Variants in FADS1 observed in about 807,000 individuals in gnomAD.
FADS1 encodes the protein fatty acid desaturase 1.
In FADS1, 17 loss-of-function variants were observed where a neutral mutation model predicts 61.6. The observed-to-expected ratio is 0.28, with a 90% confidence interval of 0.19 to 0.41. The LOEUF (loss-of-function observed/expected upper bound fraction) is 0.41, where lower values mean the gene tolerates loss of function less well. Ranked by LOEUF, FADS1 falls within the 10% of genes least tolerant of loss-of-function variation. The pLI, the probability that FADS1 is intolerant of heterozygous loss-of-function variation, is 1.00. For missense variants in FADS1, 387 were observed against 650.9 expected (o/e 0.59, Z 4.41); for synonymous variants, 238 against 258.7 (o/e 0.92, Z 0.77).
At chr11:61,806,578 C>T in intron 6 of FADS1, 86 bp downstream of exon 6, 1 of 1,244,390 alleles carries the variant, frequency 8.0e-7, no homozygotes, top group Non-Finnish European at 1.2e-6. Flanking sequence ...CTTAAAATAC[C>T]ATAATCCCTT....
At position 61,799,701 on chromosome 11, in the gene FADS1, CTGA is replaced by C. The variant is rs1200002943; in HGVS notation, c.*2707_*2709del. ...AAAATTGGCACACACAAAAAGAATA[CTGA>C]TATTGGGCCTGATTTAAAAAATGCC... On this transcript the variant is annotated 3_prime_UTR_variant, in exon 12 of 12. Transcript: ENST00000350997. 2 of 152,294 alleles carry C rather than the reference CTGA, an allele frequency of 1.3e-5. No individual in the cohort carries two copies. The highest frequency in any genetic ancestry group is 2.9e-5 in the Non-Finnish European group (2 of 68,028). The allele number at this position is 152,294 out of a possible 1,614,324, so 9.4% of individuals were successfully genotyped here. A position where few individuals can be genotyped will look rare whatever the true frequency, so the allele number is the denominator to read the frequency against.
chr11:61,804,632 C>A, intron 7 of FADS1, 53 bp downstream of exon 7: 3 of 1,498,498 alleles, frequency 2.0e-6, no homozygotes, highest in South Asian at 1.1e-5. Flanking sequence ...CCCTATCCCC[C>A]ACTCTGGGTG....
chr11:61,812,345 C>T (rs1258878885), intron 3 of FADS1, 126 bp downstream of exon 3: 1 of 776,480 alleles, frequency 1.3e-6, no homozygotes, highest in East Asian at 2.7e-5. Flanking sequence ...CCTGCACTCA[C>T]TCCTGCATAC....
chr11:61,816,534 C>G lies in FADS1; in HGVS notation c.375+21G>C, dbSNP rs1213604855. 2 of 1,597,270 alleles carry G rather than the reference C, an allele frequency of 1.3e-6. No individual in the cohort carries two copies. Among genetic ancestry groups the G allele is most frequent in the Non-Finnish European group, 1.7e-6 (2 of 1,173,464 alleles). ...GCCTCCGGTCCCGCCCTCTCCTGTG[C>G]CCCCGCCTGGCTGCGCTCACCGTGG... On this transcript the variant is annotated intron_variant, in intron 1 of 11. Coordinates refer to ENST00000350997, the MANE Select transcript of FADS1 (RefSeq NM_013402.7). This position sits in a 1 kb window ranked among gnomAD's most constrained non-coding sequence, Gnocchi z 7.0.
Position 61,812,579 on chromosome 11 carries a change from G to A in FADS1, c.576C>T (p.Tyr192=). 1 of 1,614,154 alleles carries A rather than the reference G, an allele frequency of 6.2e-7. No homozygotes were observed. Among genetic ancestry groups the A allele is most frequent in the Non-Finnish European group, 8.5e-7 (1 of 1,180,030 alleles). The change falls in exon 3 of 12, where the codon TAC becomes TAT. Residue 192 remains tyrosine, a synonymous_variant. Transcript: ENST00000350997. The part of the protein sequence containing the change: ...MKANHVFFLL[Y]LLHILLLDGA... ...CATCCAGCAGCAAGATGTGCAGCAG[G>A]TACAGCAGGAAGAAGACATGGTTGG...
At chr11:61,806,769 CCT>C in intron 5 of FADS1, 45 bp from the exon 6 acceptor site, 1 of 1,568,342 alleles carries the variant, frequency 6.4e-7, no homozygotes. Context: ...ACCAGTGATT[CCT>C]CCCTCTGTGA....
intron 1 of FADS1, among the ~76,000 whole-genome samples, chr11:61,813,966 CAAAAAAAA>C (rs35779607): frequency 2.5e-5 from 2 of 80,696 alleles, no homozygotes; most frequent in African/African-American, 1.5e-4. Context: ...GACTCCGTCT[CAAAAAAAA>C]AAAAAAAAAA....
chr11:61,803,555 A>G lies in FADS1; in HGVS notation c.1152-96T>C. 1 of 1,379,012 alleles carries G rather than the reference A, an allele frequency of 7.3e-7. No homozygotes were observed. The highest frequency in any genetic ancestry group is 1.2e-5 in the South Asian group (1 of 86,284). 85.4% of individuals were successfully genotyped at this position (1,379,012 alleles called of 1,614,324 possible). A position where few individuals can be genotyped will look rare whatever the true frequency, so the allele number is the denominator to read the frequency against. ...CTGCTCCAGCCTGTCTACTTTCCCA[A>G]GCCAACTCCTGAAACACCCACTGTT... On this transcript the variant is annotated intron_variant, in intron 8 of 11. Coordinates refer to ENST00000350997, the MANE Select transcript of FADS1 (RefSeq NM_013402.7). This position sits in a 1 kb window ranked among gnomAD's most constrained non-coding sequence, Gnocchi z 4.3.
At chr11:61,807,610 G>A (rs1349151584) in intron 5 of FADS1, among the ~76,000 whole-genome samples, 5 of 152,224 alleles carry the variant, frequency 3.3e-5, no homozygotes, top group Non-Finnish European at 5.9e-5. Context: ...AGTAGGTGGT[G>A]GTTATTTTTT....
Position 61,803,328 on chromosome 11 carries a change from G to A in FADS1, c.1248+35C>T. On this transcript the variant is annotated intron_variant, in intron 9 of 11. Transcript: ENST00000350997. This position sits in a 1 kb window ranked among gnomAD's most constrained non-coding sequence, Gnocchi z 4.3. Reference sequence around the variant, plus strand: ...CCTACGCATCCTTTTCAATAGTTGTGTTATGCTCCAGTCTTCTGAGTGACT... The same window carrying A: ...CCTACGCATCCTTTTCAATAGTTGTATTATGCTCCAGTCTTCTGAGTGACT... 1 of 1,537,474 alleles carries A rather than the reference G, an allele frequency of 6.5e-7. No homozygotes were observed. The highest frequency in any genetic ancestry group is 9.0e-7 in the Non-Finnish European group (1 of 1,110,138).
At position 61,810,985 on chromosome 11, in the gene FADS1, C is replaced by T; in HGVS notation, c.775G>A (p.Gly259Ser). The change falls in exon 4 of 12, where the codon GGC (glycine) becomes AGC (serine). Residue 259 changes from glycine (G) to serine (S), a missense_variant. By Grantham distance (56) the Gly-to-Ser change is moderately conservative (BLOSUM62 0). This residue lies in a region of FADS1 where 257 missense variants were observed against 533.3 expected (regional missense o/e 0.48). Transcript: ENST00000350997. ...WNHLLHHFVIGHLKGAPASWW... is the reference protein window; with the variant it reads ...WNHLLHHFVISHLKGAPASWW... Reference sequence around the variant, plus strand: ...CCCATCCCACTGACCTTCAGGTGGCCAATCACAAAATGATGTAGCAGATGG... The same window carrying T: ...CCCATCCCACTGACCTTCAGGTGGCTAATCACAAAATGATGTAGCAGATGG... 1 of 1,614,098 alleles carries T rather than the reference C, an allele frequency of 6.2e-7. No individual in the cohort carries two copies. The highest frequency in any genetic ancestry group is 8.5e-7 in the Non-Finnish European group (1 of 1,179,968).
At position 61,803,168 on chromosome 11, in the gene FADS1, G is replaced by A. The variant is rs541481438; in HGVS notation, c.1249-57C>T. 1.8e-5 allele frequency: 27 copies of A among 1,539,714 alleles called. No individual in the cohort carries two copies. In the Admixed American group the frequency reaches 4.6e-4, roughly 26 times the overall value. On this transcript the variant is annotated intron_variant, in intron 9 of 11. Coordinates refer to ENST00000350997, the MANE Select transcript of FADS1 (RefSeq NM_013402.7). The surrounding 1 kb of genome is among the most constrained non-coding windows in gnomAD (Gnocchi z 4.3). ...AATATCAGATGGAAAGGCCAGCCCA[G>A]CATTCTCCAGGTAAAGCTGGCTGAG...
Position 61,801,982 on chromosome 11 carries a change from G to A in FADS1, c.*429C>T, listed in dbSNP as rs559671802. On this transcript the variant is annotated 3_prime_UTR_variant, in exon 12 of 12. Coordinates refer to ENST00000350997, the MANE Select transcript of FADS1 (RefSeq NM_013402.7). ...TGCAACCTCCACCTCCCCGGTTCAA[G>A]CGATTCTCCTGCCTCAGCCTCCTGG... 3.2e-4 allele frequency: 60 copies of A among 189,068 alleles called. No homozygotes were observed. Among genetic ancestry groups the A allele is most frequent in the Admixed American group, 5.9e-4 (11 of 18,496 alleles). 11.7% of individuals were successfully genotyped at this position (189,068 alleles called of 1,614,324 possible). A position where few individuals can be genotyped will look rare whatever the true frequency, so the allele number is the denominator to read the frequency against.
chr11:61,808,380 C>T (rs2066908662), intron 5 of FADS1, among the ~76,000 whole-genome samples: 1 of 151,972 alleles, frequency 6.6e-6, no homozygotes, highest in Non-Finnish European at 1.5e-5. Flanking sequence ...CCTTTCTTCT[C>T]CCCGGCCAGC....
chr11:61,810,718 C>G (rs2066925440), intron 5 of FADS1, 33 bp downstream of exon 5: 1 of 1,613,210 alleles, frequency 6.2e-7, no homozygotes, highest in Non-Finnish European at 8.5e-7. Flanking sequence ...GCCTCCTATT[C>G]CCCAAGACCT....
At chr11:61,813,727 A>G (rs1286772574) in intron 1 of FADS1, among the ~76,000 whole-genome samples, 1 of 152,144 alleles carries the variant, frequency 6.6e-6, no homozygotes, top group Non-Finnish European at 1.5e-5. Context: ...GCACTTTGGG[A>G]GGCCAAGGCG....
intron 5 of FADS1, among the ~76,000 whole-genome samples, chr11:61,807,788 A>T (rs1417293116): frequency 6.6e-6 from 1 of 152,234 alleles, no homozygotes; most frequent in East Asian, 1.9e-4. Context: ...CCACAAGGGC[A>T]CAAGAGGAGC....
intron 6 of FADS1, 126 bp downstream of exon 6, chr11:61,806,538 G>A: frequency 1.2e-6 from 1 of 804,446 alleles, no homozygotes; most frequent in South Asian, 1.4e-5. Context: ...AACTGGGGGT[G>A]GGAGTGGGGT....
intron 5 of FADS1, among the ~76,000 whole-genome samples, chr11:61,809,812 A>G (rs1184369728): frequency 2.0e-5 from 3 of 152,220 alleles, no homozygotes; most frequent in Non-Finnish European, 2.9e-5. Flanking sequence ...TGGGAAAATA[A>G]GAACATTATG....
Sources: gnomAD v4.1 joint callset for allele counts (sites outside exome capture counted in the v4.1 genomes callset) on GRCh38, gnomAD v4.1.1 for gene constraint, gnomAD v4.1.1 regional missense constraint, Gnocchi (gnomAD v3.1) non-coding constraint, MANE v1.5 for transcripts, NCBI Gene and HGNC (gene_info 2026-07-23, HGNC 2026-07-21) for gene names.